Variants in DGAT2 observed in about 807,000 individuals in gnomAD.
DGAT2 encodes acyl-CoA retinol O-fatty-acyltransferase.
Under a neutral mutation model 48.4 loss-of-function variants are expected in DGAT2, and 33 were observed. The observed-to-expected ratio is 0.68, with a 90% CI of 0.52 to 0.91. DGAT2 has a LOEUF of 0.91. DGAT2 is among the 40% of genes least tolerant of loss of function. DGAT2 has a pLI of 0.00. For synonymous variants in DGAT2, 191 were observed against 194.1 expected, an observed-to-expected ratio of 0.98 and a Z score of 0.13; for missense variants, 446 against 493.7, an observed-to-expected ratio of 0.90 and a Z score of 0.92.
chr11:75,794,672 T>C (rs1024247526), intron 4 of DGAT2: 3 of 152,116 alleles, frequency 2.0e-5, no homozygotes, highest in African/African-American at 4.8e-5. Flanking sequence ...CGAGAAGATA[T>C]GGAACTGAGG....
chr11:75,800,470 TTCGGCCTCCCGGAG>T lies in DGAT2; in HGVS notation c.1130_1143del (p.Phe377TyrfsTer2). On this transcript the variant is annotated frameshift_variant, in exon 8 of 8. Coordinates refer to ENST00000228027, the MANE Select transcript of DGAT2 (RefSeq NM_032564.5). LOFTEE classifies it high-confidence loss of function. Reference sequence around the variant, plus strand: ...GCTCTTCGACAAGCACAAGACCAAGTTCGGCCTCCCGGAGACTGAGGTCCTGGAGGTGAACTGAG... The same window carrying T: ...GCTCTTCGACAAGCACAAGACCAAGTACTGAGGTCCTGGAGGTGAACTGAG... 6.2e-7 allele frequency: 1 copy of T among 1,614,168 alleles called. No homozygotes were observed. The highest frequency in any genetic ancestry group is 8.5e-7 in the Non-Finnish European group (1 of 1,180,022).
chr11:75,774,188 T>C (rs1428774036), intron 1 of DGAT2: 1 of 152,368 alleles, frequency 6.6e-6, no homozygotes, highest in African/African-American at 2.4e-5. Flanking sequence ...GGCCTCCTGG[T>C]ATGGAGCTGC....
Position 75,783,283 on chromosome 11 carries a change from G to C in DGAT2, c.122-1335G>C, listed in dbSNP as rs547059564. On this transcript the variant is annotated intron_variant, in intron 1 of 7. Coordinates refer to ENST00000228027, the MANE Select transcript of DGAT2 (RefSeq NM_032564.5). ...CTGCTAAACTAAGCCCTTTCCCTCT[G>C]ATGCATCACACCAGGGAAAGGGGCC... Among the ~76,000 whole-genome samples the C allele has an allele frequency of 2.6e-4, 39 of 152,278 alleles. No individual in the cohort carries two copies. In the South Asian group the frequency reaches 8.1e-3, roughly 32 times the overall value.
chr11:75,790,426 T>G (rs981233178), intron 3 of DGAT2, 131 bp downstream of exon 3: 4 of 877,784 alleles, frequency 4.6e-6, no homozygotes, highest in Non-Finnish European at 7.4e-6. Flanking sequence ...GACTAGTCCT[T>G]TTGGGGGGAG....
intron 1 of DGAT2, among the ~76,000 whole-genome samples, chr11:75,781,728 C>T (rs570021302): frequency 1.2e-4 from 18 of 152,106 alleles, no homozygotes; most frequent in African/African-American, 4.1e-4. Context: ...GGGTGAGAAC[C>T]GAACCAGCAG....
At chr11:75,775,352 G>C (rs1944794296) in intron 1 of DGAT2, among the ~76,000 whole-genome samples, 1 of 152,160 alleles carries the variant, frequency 6.6e-6, no homozygotes, top group Non-Finnish European at 1.5e-5. Flanking sequence ...TTCCCACCTG[G>C]CACACCTAGC....
chr11:75,795,177 A>T (rs1332303966), intron 4 of DGAT2: 1 of 151,872 alleles, frequency 6.6e-6, no homozygotes, highest in Non-Finnish European at 1.5e-5. Context: ...GGTGCGTGCC[A>T]CCATGCCCAG....
intron 6 of DGAT2, among the ~76,000 whole-genome samples, chr11:75,797,594 G>A (rs1341642821): frequency 6.6e-6 from 1 of 152,244 alleles, no homozygotes; most frequent in Admixed American, 6.5e-5. Flanking sequence ...ATGCAGGACT[G>A]GACCACCTGG....
At chr11:75,790,165 A>G (rs2135773591) in intron 2 of DGAT2, 23 bp from the exon 3 acceptor site, 1 of 1,559,720 alleles carries the variant, frequency 6.4e-7, no homozygotes, top group East Asian at 2.2e-5. Context: ...GTAGGACCTG[A>G]CCTGTGGCCA....
chr11:75,800,491 G>A lies in DGAT2; in HGVS notation c.1150G>A (p.Val384Ile). The change falls in exon 8 of 8, where the codon GTC becomes ATC. Residue 384 changes from valine to isoleucine, a missense_variant. By Grantham distance (29) the Val-to-Ile change is conservative. Transcript: ENST00000228027. ...KTKFGLPETE[V>I]LEVN ...CAAGTTCGGCCTCCCGGAGACTGAGGTCCTGGAGGTGAACTGAGCCAGCCT... is the reference window on the plus strand; with the variant it reads ...CAAGTTCGGCCTCCCGGAGACTGAGATCCTGGAGGTGAACTGAGCCAGCCT... 2 of 1,614,096 alleles carry A rather than the reference G, an allele frequency of 1.2e-6. No homozygotes were observed. Among genetic ancestry groups the A allele is most frequent in the South Asian group, 1.1e-5 (1 of 91,056 alleles).
Position 75,768,846 on chromosome 11 carries a change from C to CA in DGAT2, c.-146_-145insA, listed in dbSNP as rs1944726321. 1 of 1,082,024 alleles carries CA rather than the reference C, an allele frequency of 9.2e-7. No homozygotes were observed. Among genetic ancestry groups the CA allele is most frequent in the East Asian group, 3.2e-5 (1 of 30,770 alleles). 67.0% of individuals were successfully genotyped at this position (1,082,024 alleles called of 1,614,324 possible). ...CGCCACCACTGGCCGCCGGCCGCAGCTCCAGGTGTCCTAGCCGCCCAGCCT... is the reference window on the plus strand; with the variant it reads ...CGCCACCACTGGCCGCCGGCCGCAGCATCCAGGTGTCCTAGCCGCCCAGCCT... On this transcript the variant is annotated 5_prime_UTR_variant, in exon 1 of 8. Transcript: ENST00000228027.
At chr11:75,782,625 C>T (rs552094119) in intron 1 of DGAT2, among the ~76,000 whole-genome samples, 23 of 152,344 alleles carry the variant, frequency 1.5e-4, no homozygotes, top group African/African-American at 5.3e-4. Flanking sequence ...ATATACTCAC[C>T]CAGTCCTGTC....
intron 3 of DGAT2, 28 bp downstream of exon 3, chr11:75,790,323 C>T (rs753477091): frequency 1.3e-5 from 21 of 1,559,554 alleles, no homozygotes; most frequent in East Asian, 4.5e-5. Flanking sequence ...CTTGCCCCAC[C>T]TCTCATTCTA....
rs1944741415 is a variant in DGAT2 at position 75,769,990 on chromosome 11, G to C, written c.121+878G>C. Among the ~76,000 whole-genome samples, 4 of 152,016 alleles carry C rather than the reference G, an allele frequency of 2.6e-5. No individual in the cohort carries two copies. In the South Asian group the frequency reaches 8.3e-4, roughly 31 times the overall value. On this transcript the variant is annotated intron_variant, in intron 1 of 7. Transcript: ENST00000228027. ...ACGGTCGCCTACACCGCCCACCTTT[G>C]TTACAAAAATAAAGCTTGCTAATTA...
chr11:75,794,473 A>G (rs1017035844), intron 4 of DGAT2: 2 of 152,246 alleles, frequency 1.3e-5, no homozygotes, highest in East Asian at 3.8e-4. Context: ...ATTCCTTGTT[A>G]TCCAGGAATT....
At chr11:75,786,426 C>T (rs1338704777) in intron 2 of DGAT2, among the ~76,000 whole-genome samples, 5 of 152,184 alleles carry the variant, frequency 3.3e-5, no homozygotes, top group Non-Finnish European at 7.3e-5. Context: ...TCTTTGTTCC[C>T]TGTTGCACCC....
intron 1 of DGAT2, among the ~76,000 whole-genome samples, chr11:75,769,810 G>C (rs1944738647): frequency 6.6e-6 from 1 of 151,986 alleles, no homozygotes; most frequent in Non-Finnish European, 1.5e-5. Flanking sequence ...CTGATGCCTT[G>C]ACCCCTGGAT....
intron 4 of DGAT2, 115 bp downstream of exon 4, chr11:75,790,846 T>C (rs746116700): frequency 2.9e-6 from 3 of 1,027,232 alleles, no homozygotes; most frequent in Non-Finnish European, 4.5e-6. Flanking sequence ...CTTCATTTCC[T>C]TTCTACTGTG....
intron 5 of DGAT2, 66 bp from the exon 6 acceptor site, chr11:75,797,092 T>C: frequency 7.1e-7 from 1 of 1,410,776 alleles, no homozygotes; most frequent in Non-Finnish European, 9.4e-7. Flanking sequence ...TATACCTGAC[T>C]GTGTGCCGGG....
Sources: allele counts gnomAD v4.1 joint callset (sites outside exome capture counted in the v4.1 genomes callset), GRCh38; gene constraint gnomAD v4.1.1; transcripts MANE v1.5; gene names NCBI Gene and HGNC (gene_info 2026-07-23, HGNC 2026-07-21).